The following ABL1 variants were observed in gnomAD, a reference collection of about 807,000 sequenced individuals.
The protein encoded by ABL1 is ABL proto-oncogene 1, non-receptor tyrosine kinase.
In ABL1, 11 loss-of-function variants were observed where a neutral mutation model predicts 94.7. The observed-to-expected ratio is 0.12, with a 90% CI of 0.07 to 0.19. The LOEUF (loss-of-function observed/expected upper bound fraction) is 0.19, where lower values mean the gene tolerates loss of function less well. ABL1 is among the 10% of genes least tolerant of loss of function. The pLI, the probability that ABL1 is intolerant of heterozygous loss-of-function variation, is 1.00. For synonymous variants in ABL1, 656 were observed against 622.4 expected (o/e 1.05, Z -0.80); for missense variants, 1,082 against 1,489.4 (o/e 0.73, Z 4.50).
chr9:130,732,319 GA>G (rs553086129), intron 1 of ABL1, among the ~76,000 whole-genome samples: 85 of 152,150 alleles, frequency 5.6e-4, no homozygotes, highest in African/African-American at 1.8e-3. Flanking sequence ...ATCTGCTTGG[GA>G]GAATGGTTAT....
chr9:130,790,026 T>C (rs555064909), intron 1 of ABL1, among the ~76,000 whole-genome samples: 6 of 152,360 alleles, frequency 3.9e-5, no homozygotes, highest in African/African-American at 1.2e-4. Flanking sequence ...ATCTTCACAA[T>C]TGATGAACAA....
chr9:130,832,624 G>A (rs1409409907), upstream of ABL1, among the ~76,000 whole-genome samples: 1 of 152,244 alleles, frequency 6.6e-6, no homozygotes, highest in Non-Finnish European at 1.5e-5. Context: ...AGGCTTAAGA[G>A]TGCCTGGCAC....
chr9:130,849,708 G>A (rs1248008631), intron 1 of ABL1, among the ~76,000 whole-genome samples: 1 of 152,086 alleles, frequency 6.6e-6, no homozygotes, highest in African/African-American at 2.4e-5. Context: ...AGTAGAGACG[G>A]GGTTTCACCA....
intron 1 of ABL1, among the ~76,000 whole-genome samples, chr9:130,775,135 G>T (rs1832296640): frequency 6.6e-6 from 1 of 152,196 alleles, no homozygotes; most frequent in Admixed American, 6.5e-5. Context: ...CTAGTTAGCT[G>T]GCAGAAGTCA....
intron 1 of ABL1, among the ~76,000 whole-genome samples, chr9:130,795,967 G>A (rs1449919454): frequency 6.6e-6 from 1 of 152,094 alleles, no homozygotes; most frequent in South Asian, 2.1e-4. Context: ...CGAGGCTGGC[G>A]GATCACCTGA....
chr9:130,713,122 C>T (rs1263387163), exon 1 of ABL1, among the ~76,000 whole-genome samples: 1 of 152,226 alleles, frequency 6.6e-6, no homozygotes, highest in East Asian at 1.9e-4. Flanking sequence ...GGTCCTGCGG[C>T]TGAGGAGCCC....
intron 1 of ABL1, among the ~76,000 whole-genome samples, chr9:130,732,038 A>G (rs1410539454): frequency 7.3e-6 from 1 of 137,844 alleles, no homozygotes; most frequent in African/African-American, 2.7e-5. Context: ...TTCCAATTGT[A>G]TTTTTCTTTG....
intron 1 of ABL1, among the ~76,000 whole-genome samples, chr9:130,740,324 A>G (rs1831800268): frequency 6.6e-6 from 1 of 152,234 alleles, no homozygotes; most frequent in Non-Finnish European, 1.5e-5. Flanking sequence ...CTTGGATGCT[A>G]GTAAGTGAGG....
At chr9:130,818,436 C>T (rs1830317259) in intron 1 of ABL1, among the ~76,000 whole-genome samples, 5 of 152,142 alleles carry the variant, frequency 3.3e-5, no homozygotes, top group Admixed American at 3.3e-4. Flanking sequence ...TACTGCTGCA[C>T]TCCAGCCTGG....
intron 1 of ABL1, among the ~76,000 whole-genome samples, chr9:130,748,228 A>C (rs1222789441): frequency 1.3e-5 from 2 of 152,202 alleles, no homozygotes; most frequent in African/African-American, 4.8e-5. Context: ...GTGTGAACTG[A>C]ATCATAACTA....
intron 1 of ABL1, among the ~76,000 whole-genome samples, chr9:130,791,496 A>C (rs995021364): frequency 4.6e-5 from 7 of 151,972 alleles, no homozygotes; most frequent in African/African-American, 1.7e-4. Flanking sequence ...GGACTAGGAG[A>C]GGAAGACCCA....
chr9:130,741,555 G>A (rs944279834), intron 1 of ABL1, among the ~76,000 whole-genome samples: 4 of 151,802 alleles, frequency 2.6e-5, no homozygotes, highest in South Asian at 4.2e-4. Flanking sequence ...AACAGTTACC[G>A]CACTGATGCA....
At chr9:130,878,685 T>C in intron 8 of ABL1, 118 bp downstream of exon 8, 1 of 1,250,124 alleles carries the variant, frequency 8.0e-7, no homozygotes, top group Non-Finnish European at 1.1e-6. Context: ...ATTCCAGTTC[T>C]TCAGATGCAG....
At chr9:130,813,315 A>G (rs1830236068) in intron 1 of ABL1, among the ~76,000 whole-genome samples, 1 of 151,964 alleles carries the variant, frequency 6.6e-6, no homozygotes, top group South Asian at 2.1e-4. Context: ...TAATCCCAGC[A>G]CTTTGGGAGG....
chr9:130,773,014 A>G (rs1832270754), intron 1 of ABL1, among the ~76,000 whole-genome samples: 1 of 152,196 alleles, frequency 6.6e-6, no homozygotes, highest in Non-Finnish European at 1.5e-5. Context: ...TAAATCCCCA[A>G]GGCCTATAAA....
chr9:130,764,188 CTG>C (rs1313895553), intron 1 of ABL1, among the ~76,000 whole-genome samples: 2 of 152,144 alleles, frequency 1.3e-5, no homozygotes, highest in Non-Finnish European at 2.9e-5. Context: ...ACACACATCA[CTG>C]TGTCCTTGAG....
At chr9:130,714,478 G>T in intron 1 of ABL1, 1 of 1,614,160 alleles carries the variant, frequency 6.2e-7, no homozygotes, top group Non-Finnish European at 8.5e-7. Flanking sequence ...CAAAATTTCT[G>T]CTCATGGTTT....
At chr9:130,742,680 T>C (rs1450019755) in intron 1 of ABL1, among the ~76,000 whole-genome samples, 1 of 152,228 alleles carries the variant, frequency 6.6e-6, no homozygotes, top group Non-Finnish European at 1.5e-5. Flanking sequence ...AACTCTCTGG[T>C]GGTTCCCATT....
intron 1 of ABL1, among the ~76,000 whole-genome samples, chr9:130,850,348 A>G (rs1345927100): frequency 6.7e-6 from 1 of 148,260 alleles, no homozygotes; most frequent in Non-Finnish European, 1.5e-5. Flanking sequence ...AATGAATTAC[A>G]GAAATCTAGA....
Sources: gnomAD v4.1 joint callset for allele counts (sites outside exome capture counted in the v4.1 genomes callset) on GRCh38, gnomAD v4.1.1 for gene constraint, MANE v1.5 for transcripts, NCBI Gene and HGNC (gene_info 2026-07-23, HGNC 2026-07-21) for gene names.